CREBBP: variants seen among roughly 807,000 people sequenced by gnomAD.
The protein encoded by CREBBP is CREB-binding protein.
Under a neutral mutation model 265.0 loss-of-function variants are expected in CREBBP, and 19 were observed. The observed-to-expected ratio is 0.07, with a 90% CI of 0.05 to 0.11. The LOEUF (loss-of-function observed/expected upper bound fraction) is 0.11, where lower values mean the gene tolerates loss of function less well. CREBBP is among the 10% of genes least tolerant of loss of function. CREBBP has a pLI of 1.00. For missense variants in CREBBP, 2,525 were observed against 3,219.0 expected (o/e 0.78, Z 5.22); for synonymous variants, 1,457 against 1,223.7 (o/e 1.19, Z -3.98).
At chr16:3,852,159 T>G (rs1419132361) in intron 1 of CREBBP, among the ~76,000 whole-genome samples, 2 of 82,552 alleles carry the variant, frequency 2.4e-5, no homozygotes, top group Admixed American at 1.0e-4. Context: ...TTAAATTTGT[T>G]TTTTTTTTTT....
At chr16:3,761,661 G>C (rs566740337) in intron 16 of CREBBP, 5 of 499,932 alleles carry the variant, frequency 1.0e-5, no homozygotes, top group Middle Eastern at 3.3e-4. Flanking sequence ...GGGCAACCAG[G>C]TAAAAACCCC....
At chr16:3,762,566 G>A (rs577767504) in intron 16 of CREBBP, among the ~76,000 whole-genome samples, 2 of 152,068 alleles carry the variant, frequency 1.3e-5, no homozygotes, top group South Asian at 2.1e-4. Flanking sequence ...AGGAGTGTAT[G>A]TGAACTGCGC....
chr16:3,876,957 G>T (rs1432731558), intron 1 of CREBBP, among the ~76,000 whole-genome samples: 1 of 152,086 alleles, frequency 6.6e-6, no homozygotes, highest in East Asian at 1.9e-4. Flanking sequence ...CCCAATGTCG[G>T]GTGCATTTTT....
rs1429500736 is a variant in CREBBP at position 3,769,313 on chromosome 16, G to T, written c.2921C>A (p.Thr974Asn). ...AAASIDNRVP[T>N]PSSVASAETN... ...TTCTGCGCTGGCCACCGAGGAGGGG[G>T]TAGGGACTCTGTTATCAATGCTGGC... The change falls in exon 15 of 31, where the codon ACC becomes AAC. Residue 974 changes from threonine (T) to asparagine (N), a missense_variant. Coordinates refer to ENST00000262367, the MANE Select transcript of CREBBP (RefSeq NM_004380.3). 1.2e-6 allele frequency: 2 copies of T among 1,614,192 alleles called. No individual in the cohort carries two copies. Among genetic ancestry groups the T allele is most frequent in the African/African-American group, 1.3e-5 (1 of 75,054 alleles).
chr16:3,860,187 G>C (rs1167345462), intron 1 of CREBBP, among the ~76,000 whole-genome samples: 2 of 152,160 alleles, frequency 1.3e-5, no homozygotes, highest in Admixed American at 1.3e-4. Context: ...TGTTGACACT[G>C]AGTATAGGAA....
chr16:3,739,554 C>A (rs757871286), intron 25 of CREBBP, 24 bp downstream of exon 25: 1 of 1,614,110 alleles, frequency 6.2e-7, no homozygotes, highest in South Asian at 1.1e-5. Context: ...GAATGACACG[C>A]CCTGGAAGGA....
intron 2 of CREBBP, among the ~76,000 whole-genome samples, chr16:3,848,515 T>C (rs1167085527): frequency 6.6e-6 from 1 of 152,220 alleles, no homozygotes; most frequent in Non-Finnish European, 1.5e-5. Context: ...ATGAAATGTG[T>C]TTCAATATTC....
intron 1 of CREBBP, among the ~76,000 whole-genome samples, chr16:3,873,771 C>CGGGTGGGAGCCCAT (rs1461401483): frequency 4.6e-5 from 7 of 152,074 alleles, no homozygotes; most frequent in African/African-American, 1.7e-4. Context: ...GTTTGGTGGC[C>CGGGTGGGAGCCCAT]GGGTGGGAGC....
In CREBBP at chr16:3,850,390, C is replaced by T. The variant is rs1023921556; in HGVS notation, c.705G>A (p.Ser235=). ...TTAGGGTCTCAGCCAGCACGCTGCT[C>T]GAGGCGCCCTGCATGGCTGGAGTAG... is the stretch of plus-strand genomic sequence containing the variant. The part of the protein sequence containing the change: ...PYPTPAMQGA[S]SSVLAETLTQ... Residue 235 remains serine, a synonymous_variant, in exon 2 of 31, where the codon TCG becomes TCA. Coordinates refer to ENST00000262367, the MANE Select transcript of CREBBP (RefSeq NM_004380.3). The T allele has an allele frequency of 1.2e-5, 19 of 1,614,210 alleles. No individual in the cohort carries two copies. The highest frequency in any genetic ancestry group is 1.4e-5 in the Non-Finnish European group (17 of 1,180,034).
At chr16:3,735,728 G>A (rs375649930) in intron 28 of CREBBP, among the ~76,000 whole-genome samples, 5 of 152,172 alleles carry the variant, frequency 3.3e-5, no homozygotes, top group Admixed American at 6.5e-5. Flanking sequence ...GCAACCCTGT[G>A]CCTCCTCGAC....
At position 3,739,637 on chromosome 16, in the gene CREBBP, G is replaced by A. The variant is rs2151337007; in HGVS notation, c.4221C>T (p.Val1407=). The change falls in exon 25 of 31, where the codon GTC becomes GTT. Residue 1407 remains valine, a synonymous_variant. Coordinates refer to ENST00000262367, the MANE Select transcript of CREBBP (RefSeq NM_004380.3). ...FAFEEIDGVD[V]CFFGMHVQEY... is the part of the protein sequence containing the mutation. Reference sequence around the variant, plus strand: ...CTTGGACGTGCATTCCAAAAAAGCAGACATCCACGCCGTCAATTTCCTCAA... The same window carrying A: ...CTTGGACGTGCATTCCAAAAAAGCAAACATCCACGCCGTCAATTTCCTCAA... The A allele has an allele frequency of 6.2e-7, 1 of 1,614,208 alleles. No individual in the cohort carries two copies. Among genetic ancestry groups the A allele is most frequent in the Non-Finnish European group, 8.5e-7 (1 of 1,180,046 alleles).
intron 28 of CREBBP, among the ~76,000 whole-genome samples, chr16:3,733,816 A>C (rs191039242): frequency 2.0e-5 from 3 of 152,034 alleles, no homozygotes; most frequent in African/African-American, 7.2e-5. Context: ...TAATTTTTGT[A>C]TTTTTAGTAG....
At chr16:3,818,604 G>A (rs766186392) in intron 2 of CREBBP, among the ~76,000 whole-genome samples, 1 of 152,070 alleles carries the variant, frequency 6.6e-6, no homozygotes. Flanking sequence ...GATTACAGGC[G>A]TGAGCCACCG....
intron 26 of CREBBP, 181 bp from the exon 27 acceptor site, chr16:3,736,996 A>G: frequency 2.8e-6 from 2 of 717,212 alleles, no homozygotes; most frequent in Non-Finnish European, 2.4e-6. Flanking sequence ...GAGCAAATGC[A>G]AGCCTGCAAA....
chr16:3,827,454 C>T (rs2054259616), intron 2 of CREBBP, among the ~76,000 whole-genome samples: 1 of 152,142 alleles, frequency 6.6e-6, no homozygotes, highest in African/African-American at 2.4e-5. Flanking sequence ...TGCAGTGACG[C>T]AATCTCGGCT....
intron 13 of CREBBP, 72 bp downstream of exon 13, chr16:3,773,679 G>GAAA: frequency 3.0e-6 from 4 of 1,312,372 alleles, no homozygotes; most frequent in Admixed American, 2.1e-5. Flanking sequence ...AAGGAAGACA[G>GAAA]AAAAAAAAAA....
At chr16:3,730,151 C>T (rs751619095) in intron 30 of CREBBP, among the ~76,000 whole-genome samples, 1 of 152,220 alleles carries the variant, frequency 6.6e-6, no homozygotes, top group Non-Finnish European at 1.5e-5. Context: ...CAAGGACCTT[C>T]ACTCCTGGCA....
chr16:3,877,595 G>C (rs1002750658), intron 1 of CREBBP, among the ~76,000 whole-genome samples: 3 of 152,320 alleles, frequency 2.0e-5, no homozygotes, highest in South Asian at 4.1e-4. Context: ...GTACAGATGG[G>C]GTTTCCCCAT....
rs1189306122 is a variant in CREBBP at position 3,843,317 on chromosome 16, C to A, written c.798+6980G>T. On this transcript the variant is annotated intron_variant, in intron 2 of 30. Coordinates refer to ENST00000262367, the MANE Select transcript of CREBBP (RefSeq NM_004380.3). ...AGTATCTTTTAGTTTTTCTCAAAAT[C>A]AAAGCAAATTTAGACTTTACTAAAT... is the stretch of plus-strand genomic sequence containing the variant. Among the ~76,000 whole-genome samples, 3 of 151,484 alleles carry A rather than the reference C, an allele frequency of 2.0e-5. No individual in the cohort carries two copies. In the East Asian group the frequency reaches 5.8e-4, roughly 29 times the overall value.
Sources: gnomAD v4.1 joint callset for allele counts (sites outside exome capture counted in the v4.1 genomes callset) on GRCh38, gnomAD v4.1.1 for gene constraint, MANE v1.5 for transcripts, NCBI Gene and HGNC (gene_info 2026-07-23, HGNC 2026-07-21) for gene names.